The following SORBS2 variants were observed in gnomAD, a reference collection of about 807,000 sequenced individuals.
The protein encoded by SORBS2 is sorbin and SH3 domain containing 2.
SORBS2 carries 46 observed loss-of-function variants against 97.7 expected under a neutral mutation model. The observed-to-expected ratio is 0.47, with a 90% CI of 0.37 to 0.60. The LOEUF (loss-of-function observed/expected upper bound fraction) is 0.60, where lower values mean the gene tolerates loss of function less well. Ranked by LOEUF, SORBS2 falls within the 20% of genes least tolerant of loss-of-function variation. SORBS2 has a pLI of 0.00. For synonymous variants in SORBS2, 476 were observed against 473.4 expected (o/e 1.01, Z -0.07); for missense variants, 1,316 against 1,282.3 (o/e 1.03, Z -0.40).
chr4:185,901,528 A>T (rs1360821537), intron 1 of SORBS2, among the ~76,000 whole-genome samples: 1 of 152,188 alleles, frequency 6.6e-6, no homozygotes, highest in African/African-American at 2.4e-5. Context: ...ATAATAAAAT[A>T]AACTTATGGC....
At chr4:185,785,669 T>C (rs2099052939) in intron 1 of SORBS2, among the ~76,000 whole-genome samples, 1 of 152,206 alleles carries the variant, frequency 6.6e-6, no homozygotes, top group African/African-American at 2.4e-5. Context: ...CTCATAATTG[T>C]TGTGAGGCTT....
chr4:185,923,779 C>T (rs1177198781), intron 1 of SORBS2, among the ~76,000 whole-genome samples: 1 of 152,058 alleles, frequency 6.6e-6, no homozygotes, highest in Non-Finnish European at 1.5e-5. Context: ...TCCTTAGATA[C>T]AGTATCAGGG....
At chr4:185,815,870 T>G (rs1367818082) in intron 1 of SORBS2, among the ~76,000 whole-genome samples, 4 of 152,214 alleles carry the variant, frequency 2.6e-5, no homozygotes, top group African/African-American at 9.6e-5. Context: ...TCTATAAGTT[T>G]GATTTGTTTT....
intron 1 of SORBS2, among the ~76,000 whole-genome samples, chr4:185,841,000 A>T (rs959173314): frequency 6.6e-5 from 10 of 152,220 alleles, no homozygotes; most frequent in Admixed American, 1.3e-4. Flanking sequence ...GCCATGTCTT[A>T]AAAAATAAGC....
At chr4:185,781,007 G>T (rs190948147) in intron 1 of SORBS2, among the ~76,000 whole-genome samples, 11 of 152,010 alleles carry the variant, frequency 7.2e-5, no homozygotes, top group Non-Finnish European at 1.6e-4. Context: ...GGGTGATCTC[G>T]GCTCACTGCA....
intron 4 of SORBS2, among the ~76,000 whole-genome samples, chr4:185,637,365 T>C (rs62336064): frequency 0.091 from 13,813 of 152,314 alleles, 676 homozygotes; most frequent in Middle Eastern, 0.12. Context: ...TAGCAGGCTC[T>C]AGCATCTGGG....
At chr4:185,701,895 T>C (rs539438558) in intron 2 of SORBS2, among the ~76,000 whole-genome samples, 81 of 152,130 alleles carry the variant, frequency 5.3e-4, no homozygotes, top group Middle Eastern at 3.4e-3. Context: ...CTCAGCCTCC[T>C]GAGTAGCTGG....
chr4:185,789,321 A>G (rs891266982), intron 1 of SORBS2, among the ~76,000 whole-genome samples: 2 of 151,988 alleles, frequency 1.3e-5, no homozygotes, highest in Non-Finnish European at 2.9e-5. Flanking sequence ...CCTGTAGAGA[A>G]CTCCTAATAC....
intron 1 of SORBS2, among the ~76,000 whole-genome samples, chr4:185,807,584 C>T (rs545523357): frequency 1.3e-5 from 2 of 152,260 alleles, no homozygotes; most frequent in South Asian, 2.1e-4. Context: ...GCTGGTTCCC[C>T]GTCATTTATT....
At chr4:185,886,510 A>C (rs1301679617) in intron 1 of SORBS2, among the ~76,000 whole-genome samples, 1 of 144,558 alleles carries the variant, frequency 6.9e-6, no homozygotes, top group African/African-American at 2.6e-5. Flanking sequence ...AGCCAAGATC[A>C]TACCACTGCA....
intron 1 of SORBS2, among the ~76,000 whole-genome samples, chr4:185,803,918 T>A (rs1179774780): frequency 6.6e-6 from 1 of 152,210 alleles, no homozygotes; most frequent in Non-Finnish European, 1.5e-5. Context: ...TAAGTGTGCC[T>A]TCTCATATTT....
chr4:185,666,253 A>G (rs1284733855), intron 4 of SORBS2: 2 of 1,017,562 alleles, frequency 2.0e-6, no homozygotes, highest in Admixed American at 2.4e-5. Context: ...CCAATTAACA[A>G]AAGTACCTCT....
chr4:185,632,695 A>G (rs1430128659), intron 4 of SORBS2, among the ~76,000 whole-genome samples: 11 of 152,202 alleles, frequency 7.2e-5, no homozygotes, highest in Admixed American at 6.5e-4. Flanking sequence ...ACAACCCTAC[A>G]GTGATCAGAA....
chr4:185,631,022 T>C (rs1321040688), intron 4 of SORBS2, among the ~76,000 whole-genome samples: 1 of 152,222 alleles, frequency 6.6e-6, no homozygotes, highest in African/African-American at 2.4e-5. Context: ...TCAATCCTTA[T>C]AAAACATCAC....
intron 1 of SORBS2, among the ~76,000 whole-genome samples, chr4:185,794,479 G>A (rs2099096149): frequency 6.6e-6 from 1 of 152,186 alleles, no homozygotes; most frequent in African/African-American, 2.4e-5. Context: ...TAAATAAGGT[G>A]TCTTCAAGCA....
chr4:185,870,363 G>T (rs1028501344), intron 1 of SORBS2, among the ~76,000 whole-genome samples: 2 of 152,198 alleles, frequency 1.3e-5, no homozygotes, highest in African/African-American at 4.8e-5. Flanking sequence ...TGAGCTCTGA[G>T]CCCTGCATCT....
chr4:185,601,078 A>T (rs928364985), intron 12 of SORBS2, among the ~76,000 whole-genome samples: 35 of 152,326 alleles, frequency 2.3e-4, no homozygotes, highest in African/African-American at 8.2e-4. Context: ...GCTTAAATAA[A>T]AGCATGTGGT....
intron 1 of SORBS2, among the ~76,000 whole-genome samples, chr4:185,779,420 A>T (rs1384177130): frequency 6.6e-6 from 1 of 152,246 alleles, no homozygotes; most frequent in Non-Finnish European, 1.5e-5. Flanking sequence ...TAATCAAAAT[A>T]TATTTGAAAA....
intron 2 of SORBS2, among the ~76,000 whole-genome samples, chr4:185,719,915 A>T (rs187847023): frequency 6.6e-6 from 1 of 152,328 alleles, no homozygotes; most frequent in East Asian, 1.9e-4. Context: ...CCAGGCTAAG[A>T]TTACATTTTT....
Sources: allele counts gnomAD v4.1 joint callset (sites outside exome capture counted in the v4.1 genomes callset), GRCh38; gene constraint gnomAD v4.1.1; transcripts MANE v1.5; gene names NCBI Gene and HGNC (gene_info 2026-07-23, HGNC 2026-07-21).